The following CHRM2 variants were observed in gnomAD, a reference collection of about 807,000 sequenced individuals.
CHRM2 encodes the protein cholinergic receptor muscarinic 2.
A neutral mutation model predicts 25.0 loss-of-function variants in CHRM2; 8 were observed. That is an observed-to-expected ratio of 0.32 (90% CI 0.19 to 0.58). The LOEUF (loss-of-function observed/expected upper bound fraction) is 0.58, where lower values mean the gene tolerates loss of function less well. CHRM2 is among the 20% of genes least tolerant of loss of function. The pLI is 0.88. For synonymous variants in CHRM2, 202 were observed against 205.7 expected, an observed-to-expected ratio of 0.98 and a Z score of 0.15; for missense variants, 440 against 567.1, an observed-to-expected ratio of 0.78 and a Z score of 2.28.
chr7:136,955,994 A>C (rs950428844), intron 2 of CHRM2, among the ~76,000 whole-genome samples: 1 of 152,150 alleles, frequency 6.6e-6, no homozygotes, highest in Non-Finnish European at 1.5e-5. Flanking sequence ...TTCAACTGAT[A>C]TTTACTGAGT....
intron 2 of CHRM2, among the ~76,000 whole-genome samples, chr7:136,896,891 G>C (rs1796927105): frequency 6.6e-6 from 1 of 152,018 alleles, no homozygotes; most frequent in South Asian, 2.1e-4. Flanking sequence ...CATCAAAACA[G>C]AGATATGATT....
chr7:136,980,386 CA>C (rs1362292000), intron 2 of CHRM2, among the ~76,000 whole-genome samples: 1 of 152,182 alleles, frequency 6.6e-6, no homozygotes, highest in Non-Finnish European at 1.5e-5. Context: ...ATGTCATCTG[CA>C]AACAAATATA....
intron 2 of CHRM2, among the ~76,000 whole-genome samples, chr7:136,983,969 G>A (rs1322665993): frequency 6.6e-6 from 1 of 152,220 alleles, no homozygotes; most frequent in Admixed American, 6.5e-5. Flanking sequence ...TGGGCACTGT[G>A]CAGGGAGATC....
chr7:136,989,949 T>C (rs1803107761), intron 2 of CHRM2, among the ~76,000 whole-genome samples: 1 of 152,136 alleles, frequency 6.6e-6, no homozygotes, highest in Admixed American at 6.6e-5. Flanking sequence ...CCTTCACCTC[T>C]CCCAGACTCA....
At position 137,016,693 on chromosome 7, in the gene CHRM2, C is replaced by A; in HGVS notation, c.*427C>A. ...TACAAGGTAAACATGGAGACTTAAA[C>A]ATAAAGAAATAGGCACTATACAATG... On this transcript the variant is annotated 3_prime_UTR_variant, in exon 4 of 4. Coordinates refer to ENST00000680005, the MANE Select transcript of CHRM2 (RefSeq NM_001006630.2). The A allele has an allele frequency of 5.1e-6, 1 of 197,376 alleles. No homozygotes were observed. The highest frequency in any genetic ancestry group is 1.2e-5 in the Non-Finnish European group (1 of 86,736). 12.2% of individuals were successfully genotyped at this position (197,376 alleles called of 1,614,324 possible). A position where few individuals can be genotyped will look rare whatever the true frequency, so the allele number is the denominator to read the frequency against.
chr7:136,873,095 G>T (rs1795903420), intron 2 of CHRM2, among the ~76,000 whole-genome samples: 1 of 152,162 alleles, frequency 6.6e-6, no homozygotes, highest in African/African-American at 2.4e-5. Flanking sequence ...GACTCTCCGT[G>T]GCATAGTTCC....
In CHRM2 at chr7:137,015,885, T is replaced by A. The variant is rs764893658; in HGVS notation, c.1020T>A (p.Thr340=). The A allele has an allele frequency of 3.7e-6, 6 of 1,613,054 alleles. No individual in the cohort carries two copies. The highest frequency in any genetic ancestry group is 1.1e-5 in the South Asian group (1 of 91,052). Reference sequence around the variant, plus strand: ...CAAAAAGTGACTCATGTACCCCAACTAATACCACCGTGGAGGTAGTGGGGT... The same window carrying A: ...CAAAAAGTGACTCATGTACCCCAACAAATACCACCGTGGAGGTAGTGGGGT... The part of the protein sequence containing the change: ...KTPKSDSCTP[T]NTTVEVVGSS... The change falls in exon 4 of 4, where the codon ACT becomes ACA. Residue 340 remains threonine (T), a synonymous_variant. Coordinates refer to ENST00000680005, the MANE Select transcript of CHRM2 (RefSeq NM_001006630.2). The surrounding 1 kb of genome is among the most constrained non-coding windows in gnomAD (Gnocchi z 5.1).
chr7:136,976,836 T>C (rs909307507), intron 2 of CHRM2, among the ~76,000 whole-genome samples: 2 of 152,174 alleles, frequency 1.3e-5, no homozygotes, highest in Non-Finnish European at 2.9e-5. Context: ...CTTAGTCAAC[T>C]TGGTCCATGG....
In CHRM2 at chr7:136,931,230, T is replaced by G. The variant is rs543343349; in HGVS notation, c.-124-60957T>G. Reference sequence around the variant, plus strand: ...TTTAGGTATGTTGGGGAAATAACATTTCTCTAATGTTCTATTTGGTGAAAC... The same window carrying G: ...TTTAGGTATGTTGGGGAAATAACATGTCTCTAATGTTCTATTTGGTGAAAC... On this transcript the variant is annotated intron_variant, in intron 2 of 3. Coordinates refer to ENST00000680005, the MANE Select transcript of CHRM2 (RefSeq NM_001006630.2). 1.3e-4 allele frequency among the ~76,000 whole-genome samples: 20 copies of G among 152,318 alleles called. No individual in the cohort carries two copies. In the East Asian group the frequency reaches 3.7e-3, roughly 28 times the overall value.
In CHRM2 at chr7:137,017,138, T is replaced by C. The variant is rs1370375615; in HGVS notation, c.*872T>C. ...ATCTGATTTTCTCCTAAATAGCCTT[T>C]TATATCAACAGAATATCCTACCTAA... On this transcript the variant is annotated 3_prime_UTR_variant, in exon 4 of 4. Coordinates refer to ENST00000680005, the MANE Select transcript of CHRM2 (RefSeq NM_001006630.2). 9 of 152,144 alleles carry C rather than the reference T, an allele frequency of 5.9e-5. No individual in the cohort carries two copies. The highest frequency in any genetic ancestry group is 2.2e-4 in the African/African-American group (9 of 41,428). 9.4% of individuals were successfully genotyped at this position (152,144 alleles called of 1,614,324 possible).
rs981997179 is a variant in CHRM2, at chr7:136,869,469, G to T, written c.-125+51G>T. On this transcript the variant is annotated intron_variant, in intron 2 of 3. Transcript: ENST00000680005. This position sits in a 1 kb window ranked among gnomAD's most constrained non-coding sequence, Gnocchi z 4.9. ...TCCGCTTACCCACTCCAAGGGCCCT[G>T]GCACCAGGGGGTCTCTCCCTTCATA... 16 of 152,234 alleles carry T rather than the reference G, an allele frequency of 1.1e-4. No individual in the cohort carries two copies. Among genetic ancestry groups the T allele is most frequent in the African/African-American group, 3.9e-4 (16 of 41,422 alleles). The allele number at this position is 152,234 out of a possible 1,614,324, so 9.4% of individuals were successfully genotyped here. A position where few individuals can be genotyped will look rare whatever the true frequency, so the allele number is the denominator to read the frequency against.
At position 137,015,883 on chromosome 7, in the gene CHRM2, A is replaced by T; in HGVS notation, c.1018A>T (p.Thr340Ser). ...CCCAAAAAGTGACTCATGTACCCCA[A>T]CTAATACCACCGTGGAGGTAGTGGG... is the stretch of plus-strand genomic sequence containing the variant. ...KTPKSDSCTP[T>S]NTTVEVVGSS... The change falls in exon 4 of 4, where the codon ACT (threonine) becomes TCT (serine). Residue 340 changes from threonine to serine, a missense_variant. Physicochemically the swap from Thr to Ser is moderately conservative, Grantham distance 58. Coordinates refer to ENST00000680005, the MANE Select transcript of CHRM2 (RefSeq NM_001006630.2). This position sits in a 1 kb window ranked among gnomAD's most constrained non-coding sequence, Gnocchi z 5.1. 6.2e-7 allele frequency: 1 copy of T among 1,613,138 alleles called. No individual in the cohort carries two copies. The highest frequency in any genetic ancestry group is 1.1e-5 in the South Asian group (1 of 91,050).
intron 2 of CHRM2, among the ~76,000 whole-genome samples, chr7:136,921,581 C>T (rs930620782): frequency 6.6e-6 from 1 of 152,052 alleles, no homozygotes; most frequent in Admixed American, 6.6e-5. Context: ...GCAATTCTCC[C>T]TCTCACTGGT....
intron 2 of CHRM2, among the ~76,000 whole-genome samples, chr7:136,954,525 C>T (rs1056985580): frequency 6.6e-6 from 1 of 152,134 alleles, no homozygotes; most frequent in African/African-American, 2.4e-5. Flanking sequence ...TGTTGACAAA[C>T]CTTGCATGTC....
At position 136,950,783 on chromosome 7, in the gene CHRM2, C is replaced by CTGTTGTTGT. The variant is rs200954535; in HGVS notation, c.-124-41366_-124-41358dup. On this transcript the variant is annotated intron_variant, in intron 2 of 3. Coordinates refer to ENST00000680005, the MANE Select transcript of CHRM2 (RefSeq NM_001006630.2). The stretch of plus-strand genomic sequence containing the variant: ...TTACAGAATAGCATGAACCCCCAAC[C>CTGTTGTTGT]TGTTGTTGTTGTTGTTGTTGTTGTT... Among the ~76,000 whole-genome samples, 861 of 149,748 alleles carry CTGTTGTTGT rather than the reference C, an allele frequency of 5.7e-3. 6 individuals carry two copies. The highest frequency in any genetic ancestry group is 7.6e-3 in the East Asian group (37 of 4,884).
chr7:136,963,881 T>C (rs1286224282), intron 2 of CHRM2, among the ~76,000 whole-genome samples: 1 of 152,220 alleles, frequency 6.6e-6, no homozygotes, highest in Non-Finnish European at 1.5e-5. Context: ...TCTCAAAGGT[T>C]TCCAGGTTGG....
chr7:136,962,652 A>G (rs950093718), intron 2 of CHRM2, among the ~76,000 whole-genome samples: 3 of 152,218 alleles, frequency 2.0e-5, no homozygotes, highest in Admixed American at 2.0e-4. Context: ...TTTACTTGGC[A>G]TCAGTTTAAA....
At chr7:136,927,616 G>C (rs1333263362) in intron 2 of CHRM2, among the ~76,000 whole-genome samples, 2 of 152,146 alleles carry the variant, frequency 1.3e-5, no homozygotes, top group African/African-American at 2.4e-5. Flanking sequence ...TGCCAGGATA[G>C]ACAAATTATA....
chr7:136,913,399 CAG>C (rs1247667196), intron 2 of CHRM2, among the ~76,000 whole-genome samples: 2 of 151,914 alleles, frequency 1.3e-5, no homozygotes, highest in African/African-American at 4.8e-5. Context: ...GGGAACCTAA[CAG>C]AAGTAATCTG....
Sources: allele counts gnomAD v4.1 joint callset (sites outside exome capture counted in the v4.1 genomes callset), GRCh38; gene constraint gnomAD v4.1.1; non-coding constraint Gnocchi (gnomAD v3.1); transcripts MANE v1.5; gene names NCBI Gene and HGNC (gene_info 2026-07-23, HGNC 2026-07-21).